Variants in ENTPD1 observed in about 807,000 individuals in gnomAD.
The protein encoded by ENTPD1 is ATP diphosphohydrolase.
A neutral mutation model predicts 57.0 loss-of-function variants in ENTPD1; 33 were observed. The observed-to-expected ratio is 0.58, with a 90% confidence interval of 0.44 to 0.77. The LOEUF is 0.77. Ranked by LOEUF, ENTPD1 falls within the 30% of genes least tolerant of loss-of-function variation. The pLI is 0.00. For missense variants in ENTPD1, 501 were observed against 603.4 expected, an observed-to-expected ratio of 0.83 and a Z score of 1.78; for synonymous variants, 202 against 218.8, an observed-to-expected ratio of 0.92 and a Z score of 0.68.
intron 1 of ENTPD1, among the ~76,000 whole-genome samples, chr10:95,725,498 T>C (rs1480762741): frequency 6.6e-6 from 1 of 152,216 alleles, no homozygotes; most frequent in African/African-American, 2.4e-5. Flanking sequence ...TTTCTAGCAA[T>C]TTGTCTGGGA....
chr10:95,727,888 G>A (rs1268345447), intron 1 of ENTPD1, among the ~76,000 whole-genome samples: 1 of 152,164 alleles, frequency 6.6e-6, no homozygotes, highest in Admixed American at 6.5e-5. Flanking sequence ...TATGTGGAGT[G>A]ACAGTTGTAC....
At chr10:95,820,302 G>T (rs969855499) in intron 1 of ENTPD1, among the ~76,000 whole-genome samples, 1 of 152,146 alleles carries the variant, frequency 6.6e-6, no homozygotes, top group African/African-American at 2.4e-5. Context: ...GAAAAATCAT[G>T]TATGAAAAAT....
intron 1 of ENTPD1, among the ~76,000 whole-genome samples, chr10:95,763,579 C>G (rs558546087): frequency 2.5e-4 from 38 of 152,246 alleles, no homozygotes; most frequent in African/African-American, 8.9e-4. Context: ...GGTAATTTAT[C>G]TCCAACCATA....
chr10:95,694,895 A>ATTTTTTTTTTTTTTTTTTTTT, the ENTPD1 span, among the ~76,000 whole-genome samples: 1 of 98,744 alleles, frequency 1.0e-5, no homozygotes, highest in Non-Finnish European at 1.9e-5. Context: ...TGAGGAGCTG[A>ATTTTTTTTTTTTTTTTTTTTT]TTTTTTTTTT....
At chr10:95,695,469 A>C in the ENTPD1 span, among the ~76,000 whole-genome samples, 1 of 152,260 alleles carries the variant, frequency 6.6e-6, no homozygotes, top group African/African-American at 2.4e-5. Context: ...CATTTAACTC[A>C]GGTAAGTTTT....
chr10:95,837,766 C>T (rs2098413508), intron 2 of ENTPD1, among the ~76,000 whole-genome samples: 1 of 152,090 alleles, frequency 6.6e-6, no homozygotes, highest in Admixed American at 6.5e-5. Context: ...TATTTCTTGT[C>T]TTCTTTTCTC....
At chr10:95,707,272 C>T (rs1343563708), upstream of ENTPD1, among the ~76,000 whole-genome samples, 1 of 152,216 alleles carries the variant, frequency 6.6e-6, no homozygotes, top group East Asian at 1.9e-4. Context: ...GTTTGGGCAG[C>T]TGCAGCCCTG....
chr10:95,793,861 A>G (rs1241730811), intron 1 of ENTPD1, among the ~76,000 whole-genome samples: 1 of 152,182 alleles, frequency 6.6e-6, no homozygotes, highest in Non-Finnish European at 1.5e-5. Flanking sequence ...CATTTATGTG[A>G]CAAGACAGTT....
At chr10:95,740,624 A>G (rs2097999390) in intron 1 of ENTPD1, among the ~76,000 whole-genome samples, 1 of 152,212 alleles carries the variant, frequency 6.6e-6, no homozygotes, top group Non-Finnish European at 1.5e-5. Flanking sequence ...CTAATGTGGC[A>G]TCCAAGATGG....
At chr10:95,749,774 G>T (rs1346011972) in intron 1 of ENTPD1, among the ~76,000 whole-genome samples, 1 of 152,208 alleles carries the variant, frequency 6.6e-6, no homozygotes, top group African/African-American at 2.4e-5. Context: ...CTGGTGGGAA[G>T]TTGGAAGGAC....
chr10:95,708,303 T>G (rs181349342), upstream of ENTPD1, among the ~76,000 whole-genome samples: 6 of 152,196 alleles, frequency 3.9e-5, no homozygotes, highest in East Asian at 1.2e-3. Context: ...AACCTCCGAC[T>G]CCCTGGTTCA....
the ENTPD1 span, among the ~76,000 whole-genome samples, chr10:95,694,895 ATTTTTTTTT>A: frequency 2.0e-5 from 2 of 98,744 alleles, no homozygotes; most frequent in African/African-American, 8.1e-5. Context: ...TGAGGAGCTG[ATTTTTTTTT>A]TTTTTTTTTT....
At chr10:95,704,241 A>T in the ENTPD1 span, among the ~76,000 whole-genome samples, 5 of 152,218 alleles carry the variant, frequency 3.3e-5, no homozygotes, top group Non-Finnish European at 7.3e-5. Flanking sequence ...GTATAGATTC[A>T]TACAGTCCAG....
At chr10:95,838,080 G>A (rs1312060380) in intron 2 of ENTPD1, among the ~76,000 whole-genome samples, 2 of 152,124 alleles carry the variant, frequency 1.3e-5, no homozygotes, top group Non-Finnish European at 2.9e-5. Flanking sequence ...GCAGCCACGT[G>A]ACAAGCGTCT....
chr10:95,780,052 C>T (rs2098150474), intron 1 of ENTPD1, among the ~76,000 whole-genome samples: 1 of 152,130 alleles, frequency 6.6e-6, no homozygotes. Context: ...AGAAATGAAG[C>T]TCACATATTG....
chr10:95,776,355 A>G (rs1182611058), intron 1 of ENTPD1, among the ~76,000 whole-genome samples: 1 of 152,184 alleles, frequency 6.6e-6, no homozygotes, highest in Non-Finnish European at 1.5e-5. Context: ...ATCTCTCAGC[A>G]TTTGCTTGTC....
the ENTPD1 span, among the ~76,000 whole-genome samples, chr10:95,701,172 C>T: frequency 1.3e-5 from 2 of 152,156 alleles, no homozygotes; most frequent in Admixed American, 6.5e-5. Flanking sequence ...AAATAGAATT[C>T]CAGCCTAGTG....
chr10:95,828,494 C>T (rs2098385646), intron 2 of ENTPD1, among the ~76,000 whole-genome samples: 1 of 152,176 alleles, frequency 6.6e-6, no homozygotes, highest in Non-Finnish European at 1.5e-5. Context: ...TCCCCCTCCT[C>T]ACCACCTCTG....
In ENTPD1 at chr10:95,868,794, C is replaced by T; in HGVS notation, c.*2411C>T. 1 of 985,382 alleles carries T rather than the reference C, an allele frequency of 1.0e-6. No homozygotes were observed. The allele number at this position is 985,382 out of a possible 1,614,324, so 61.0% of individuals were successfully genotyped here. ...GACTTCACAAGTCTCCTTCAGAGAA[C>T]ACAAATCTTTTCTTATTCCATTCCT... On this transcript the variant is annotated 3_prime_UTR_variant, in exon 10 of 10. Transcript: ENST00000371205.
Sources: gnomAD v4.1 joint callset for allele counts (sites outside exome capture counted in the v4.1 genomes callset) on GRCh38, gnomAD v4.1.1 for gene constraint, MANE v1.5 for transcripts, NCBI Gene and HGNC (gene_info 2026-07-23, HGNC 2026-07-21) for gene names.